SNED1: variants seen among roughly 807,000 people sequenced by gnomAD.
The protein encoded by SNED1 is sushi, nidogen and EGF like domains 1.
In SNED1, 81 loss-of-function variants were observed where a neutral mutation model predicts 166.7. That is an observed-to-expected ratio of 0.49 (90% confidence interval 0.41 to 0.58). The LOEUF is 0.58. SNED1 is among the 20% of genes least tolerant of loss of function. The pLI is 0.00. For synonymous variants in SNED1, 762 were observed against 822.0 expected, an observed-to-expected ratio of 0.93 and a Z score of 1.25; for missense variants, 1,604 against 2,000.2, an observed-to-expected ratio of 0.80 and a Z score of 3.78.
chr2:241,072,416 C>T, intron 26 of SNED1: 3 of 360,958 alleles, frequency 8.3e-6, no homozygotes, highest in Non-Finnish European at 1.6e-5. Context: ...ACACAGAAGC[C>T]CTGAGACATG....
intron 26 of SNED1, 55 bp downstream of exon 26, chr2:241,071,933 C>T: frequency 7.3e-7 from 1 of 1,375,204 alleles, no homozygotes; most frequent in Non-Finnish European, 1.0e-6. Flanking sequence ...TCCTCACTGC[C>T]ACTCTCACCA....
At chr2:241,017,999 C>T (rs1014280913) in intron 1 of SNED1, among the ~76,000 whole-genome samples, 1 of 152,074 alleles carries the variant, frequency 6.6e-6, no homozygotes, top group East Asian at 1.9e-4. Context: ...AGTCTCATGT[C>T]CCGGGGACCC....
At position 241,033,884 on chromosome 2, in the gene SNED1, G is replaced by A. The variant is rs1384701273; in HGVS notation, c.642+9G>A. 1 of 1,587,952 alleles carries A rather than the reference G, an allele frequency of 6.3e-7. No individual in the cohort carries two copies. Among genetic ancestry groups the A allele is most frequent in the African/African-American group, 1.3e-5 (1 of 74,498 alleles). On this transcript the variant is annotated intron_variant, in intron 3 of 31. Transcript: ENST00000310397. Reference sequence around the variant, plus strand: ...GGGGCATCGCAGCCCAGGTAGGCGAGTGCAGTCGGTGCTCTGTGTTCAGAA... The same window carrying A: ...GGGGCATCGCAGCCCAGGTAGGCGAATGCAGTCGGTGCTCTGTGTTCAGAA...
chr2:241,037,210 G>T, intron 5 of SNED1, 30 bp from the exon 6 acceptor site: 2 of 1,554,836 alleles, frequency 1.3e-6, no homozygotes, highest in Non-Finnish European at 1.8e-6. Flanking sequence ...GGTTCCCGCC[G>T]CTGAGGCCTC....
At position 241,048,366 on chromosome 2, in the gene SNED1, G is replaced by T; in HGVS notation, c.1325G>T (p.Gly442Val). The T allele has an allele frequency of 1.9e-6, 3 of 1,611,684 alleles. No individual in the cohort carries two copies. Among genetic ancestry groups the T allele is most frequent in the Non-Finnish European group, 2.5e-6 (3 of 1,179,068 alleles). ...ACLSAPCHNG[G>V]TCVDADQGYV... ...CTCTCGGCCCCTTGCCACAATGGGG[G>T]CACCTGTGTGGATGCGGACCAGGGC... Residue 442 changes from glycine to valine, a missense_variant, in exon 9 of 32, where the codon GGC becomes GTC. Coordinates refer to ENST00000310397, the MANE Select transcript of SNED1 (RefSeq NM_001080437.3).
At position 241,037,339 on chromosome 2, in the gene SNED1, C is replaced by T. The variant is rs772597345; in HGVS notation, c.1031C>T (p.Pro344Leu). ...CAGTGCCCGGCTGGCTTTGGGGGAC[C>T]CACCTGTGAGACAGGTAAGAGGAAC... ...RCQCPAGFGG[P>L]TCETAQSPCD... Residue 344 changes from proline to leucine, a missense_variant, in exon 6 of 32, where the codon CCC becomes CTC. By Grantham distance (98) the Pro-to-Leu change is moderately conservative. Around this residue, in one of 2 missense-constraint regions of SNED1, gnomAD observed 1,237 missense variants for 1,620.8 expected, o/e 0.76. Coordinates refer to ENST00000310397, the MANE Select transcript of SNED1 (RefSeq NM_001080437.3). 1.2e-6 allele frequency: 2 copies of T among 1,607,660 alleles called. No homozygotes were observed. The highest frequency in any genetic ancestry group is 1.7e-6 in the Non-Finnish European group (2 of 1,177,482).
At chr2:241,027,626 A>G (rs2061014069) in intron 1 of SNED1, among the ~76,000 whole-genome samples, 1 of 152,108 alleles carries the variant, frequency 6.6e-6, no homozygotes, top group Admixed American at 6.5e-5. Context: ...ATTTTGAGGA[A>G]CCACCATATT....
At chr2:241,071,940 A>C in intron 26 of SNED1, 62 bp downstream of exon 26, 31 of 1,335,840 alleles carry the variant, frequency 2.3e-5, no homozygotes, top group Middle Eastern at 1.8e-4. Flanking sequence ...TGCCACTCTC[A>C]CCAGGTCCTG....
intron 1 of SNED1, among the ~76,000 whole-genome samples, chr2:241,009,056 G>A (rs2060306380): frequency 6.6e-6 from 1 of 152,238 alleles, no homozygotes; most frequent in Non-Finnish European, 1.5e-5. Flanking sequence ...GATGGAGCTT[G>A]GGTCCTGAAG....
At chr2:240,997,781 G>A (rs917943833), upstream of SNED1, among the ~76,000 whole-genome samples, 1 of 152,164 alleles carries the variant, frequency 6.6e-6, no homozygotes, top group African/African-American at 2.4e-5. Flanking sequence ...AAGAGACCAC[G>A]GTGGGCCGGG....
At chr2:241,028,210 A>G (rs1439712945) in intron 1 of SNED1, among the ~76,000 whole-genome samples, 1 of 152,006 alleles carries the variant, frequency 6.6e-6, no homozygotes, top group Non-Finnish European at 1.5e-5. Flanking sequence ...ATGATTTGCA[A>G]ATATTTTCTG....
intron 2 of SNED1, among the ~76,000 whole-genome samples, chr2:241,032,559 C>T (rs1050433157): frequency 1.3e-5 from 2 of 152,048 alleles, no homozygotes; most frequent in African/African-American, 2.4e-5. Context: ...GGGTGCAGCA[C>T]ACCAACATGG....
intron 9 of SNED1, 101 bp from the exon 10 acceptor site, chr2:241,048,561 A>G (rs780600434): frequency 2.0e-5 from 30 of 1,496,516 alleles, no homozygotes; most frequent in Non-Finnish European, 2.6e-5. Context: ...CGTCCACTGC[A>G]ATTTGTATGG....
At chr2:241,087,282 T>G in intron 29 of SNED1, 110 bp from the exon 30 acceptor site, 1 of 954,468 alleles carries the variant, frequency 1.0e-6, no homozygotes, top group Non-Finnish European at 1.5e-6. Flanking sequence ...AAATAGCAGT[T>G]TTTCCCTCAA....
In SNED1 at chr2:241,026,555, A is replaced by G. The variant is rs181596679; in HGVS notation, c.214-3729A>G. Reference sequence around the variant, plus strand: ...TAGTTTCTTCTGACCTTTTAGTTCCAGTTCATAATTCTTTCTTAATGCATC... The same window carrying G: ...TAGTTTCTTCTGACCTTTTAGTTCCGGTTCATAATTCTTTCTTAATGCATC... On this transcript the variant is annotated intron_variant, in intron 1 of 31. Coordinates refer to ENST00000310397, the MANE Select transcript of SNED1 (RefSeq NM_001080437.3). Among the ~76,000 whole-genome samples the G allele has an allele frequency of 3.8e-3, 582 of 152,180 alleles. 10 individuals are homozygous for G. Among genetic ancestry groups the G allele is most frequent in the Non-Finnish European group, 2.2e-3 (149 of 68,008 alleles).
rs1266317049 is a variant in SNED1, at chr2:241,091,505, G to A, written c.*2-133G>A. On this transcript the variant is annotated intron_variant, in intron 31 of 31. Transcript: ENST00000310397. The surrounding 1 kb of genome is among the most constrained non-coding windows in gnomAD (Gnocchi z 4.1). ...CACTGCCATATGGTAGAATCCTGGT[G>A]CTCTAAGAACGTGGGGTCCTCTGGG... The A allele has an allele frequency of 6.6e-6, 1 of 152,234 alleles. No individual in the cohort carries two copies. The highest frequency in any genetic ancestry group is 1.5e-5 in the Non-Finnish European group (1 of 68,050). The allele number at this position is 152,234 out of a possible 1,614,324, so 9.4% of individuals were successfully genotyped here.
chr2:241,089,055 C>T (rs2063740508), intron 31 of SNED1: 1 of 399,640 alleles, frequency 2.5e-6, no homozygotes, highest in Admixed American at 4.4e-5. Flanking sequence ...GGCAACCAAA[C>T]CCCATCCTGC....
chr2:241,059,459 C>A (rs1456429424), intron 16 of SNED1, among the ~76,000 whole-genome samples: 1 of 152,128 alleles, frequency 6.6e-6, no homozygotes, highest in Non-Finnish European at 1.5e-5. Context: ...ACCTTGATAC[C>A]AAAACCAGAC....
At chr2:241,078,308 G>A (rs545077670) in intron 27 of SNED1, among the ~76,000 whole-genome samples, 31 of 151,112 alleles carry the variant, frequency 2.1e-4, no homozygotes, top group Non-Finnish European at 3.2e-4. Flanking sequence ...GCTTGAACCC[G>A]GGAGGTGGAG....
Sources: gnomAD v4.1 joint callset for allele counts (sites outside exome capture counted in the v4.1 genomes callset) on GRCh38, gnomAD v4.1.1 for gene constraint, gnomAD v4.1.1 regional missense constraint, Gnocchi (gnomAD v3.1) non-coding constraint, MANE v1.5 for transcripts, NCBI Gene and HGNC (gene_info 2026-07-23, HGNC 2026-07-21) for gene names.